NFIL3: variants seen among roughly 807,000 people sequenced by gnomAD.
NFIL3 encodes nuclear factor, interleukin 3 regulated.
A neutral mutation model predicts 10.0 loss-of-function variants in NFIL3; 5 were observed. The observed-to-expected ratio is 0.50, with a 90% CI of 0.26 to 1.06. The LOEUF (loss-of-function observed/expected upper bound fraction) is 1.06. Ranked by LOEUF, NFIL3 falls within the 50% of genes least tolerant of loss-of-function variation. The pLI is 0.13. For missense variants in NFIL3, 436 were observed against 547.6 expected (o/e 0.80, Z 2.03); for synonymous variants, 202 against 206.5 (o/e 0.98, Z 0.19).
rs1833498999 is a variant in NFIL3 at position 91,409,573 on chromosome 9, T to C, written c.1162A>G (p.Ile388Val). The change falls in exon 2 of 2, where the codon ATT (isoleucine) becomes GTT (valine). Residue 388 changes from isoleucine (I) to valine (V), a missense_variant. Around this residue, in one of 3 missense-constraint regions of NFIL3, gnomAD observed 338 missense variants for 399.9 expected, o/e 0.85. Coordinates refer to ENST00000297689, the MANE Select transcript of NFIL3 (RefSeq NM_005384.3). ...TCCGATTTGAGAGACCAATCTTGAA[T>C]GTTAGTCACTTGCACTGAGAAAGGA... ...LTPFSVQVTN[I>V]QDWSLKSEHW... The C allele has an allele frequency of 1.2e-6, 2 of 1,614,178 alleles. No individual in the cohort carries two copies. The highest frequency in any genetic ancestry group is 1.7e-6 in the Non-Finnish European group (2 of 1,180,008).
chr9:91,465,793 T>A, the NFIL3 span, among the ~76,000 whole-genome samples: 3 of 152,174 alleles, frequency 2.0e-5, no homozygotes, highest in African/African-American at 7.2e-5. Context: ...CTGTTTAATG[T>A]TTGCTGTGCT....
At chr9:91,440,549 G>C in the NFIL3 span, among the ~76,000 whole-genome samples, 5,665 of 151,608 alleles carry the variant, frequency 0.037, 217 homozygotes, top group East Asian at 0.23. Flanking sequence ...TGCTAACTTT[G>C]GGCTTAGTTT....
chr9:91,422,558 C>CCT (rs899241632), intron 1 of NFIL3, among the ~76,000 whole-genome samples: 1 of 152,152 alleles, frequency 6.6e-6, no homozygotes, highest in Admixed American at 6.5e-5. Flanking sequence ...TAATTAGCTC[C>CCT]CTCTCTCTAT....
At chr9:91,424,937 C>T (rs1371129157), upstream of NFIL3, among the ~76,000 whole-genome samples, 1 of 152,234 alleles carries the variant, frequency 6.6e-6, no homozygotes, top group African/African-American at 2.4e-5. Context: ...GAAAAAAGAG[C>T]ACCTAGCCGC....
chr9:91,416,523 A>G (rs1472846259), intron 1 of NFIL3, among the ~76,000 whole-genome samples: 1 of 152,220 alleles, frequency 6.6e-6, no homozygotes, highest in Admixed American at 6.5e-5. Context: ...TCATTGCTTA[A>G]GTTTCTTTTT....
intron 1 of NFIL3, among the ~76,000 whole-genome samples, chr9:91,413,643 T>C (rs1301063685): frequency 2.6e-5 from 4 of 152,348 alleles, no homozygotes; most frequent in East Asian, 1.9e-4. Flanking sequence ...CTTTCCTCTG[T>C]TGAAGTCTGC....
At chr9:91,449,637 A>G in the NFIL3 span, among the ~76,000 whole-genome samples, 10 of 151,882 alleles carry the variant, frequency 6.6e-5, no homozygotes, top group African/African-American at 2.4e-4. Flanking sequence ...TTGCATTTCT[A>G]TTCATAAGGG....
intron 1 of NFIL3, among the ~76,000 whole-genome samples, chr9:91,420,352 TACAC>T (rs144270881): frequency 0.066 from 9,542 of 144,342 alleles, 433 homozygotes; most frequent in African/African-American, 0.13. Flanking sequence ...TGAAGGTAAA[TACAC>T]ACACACACAC....
intron 1 of NFIL3, among the ~76,000 whole-genome samples, chr9:91,412,642 G>A (rs774363900): frequency 5.3e-5 from 8 of 151,940 alleles, no homozygotes; most frequent in Non-Finnish European, 8.8e-5. Context: ...TCAGGAGTTC[G>A]AGACCAGCCT....
the NFIL3 span, among the ~76,000 whole-genome samples, chr9:91,451,832 A>G: frequency 6.6e-6 from 1 of 152,312 alleles, no homozygotes; most frequent in South Asian, 2.1e-4. Context: ...TGCCATGAGT[A>G]AGGAAGTCCT....
the NFIL3 span, among the ~76,000 whole-genome samples, chr9:91,478,696 T>C: frequency 6.6e-6 from 1 of 152,048 alleles, no homozygotes; most frequent in East Asian, 1.9e-4. Context: ...TGGCGAGGAG[T>C]TGTGATCCTT....
chr9:91,422,083 C>A (rs753359778), intron 1 of NFIL3, among the ~76,000 whole-genome samples: 3 of 152,092 alleles, frequency 2.0e-5, no homozygotes, highest in Non-Finnish European at 4.4e-5. Flanking sequence ...TTTACAAAAG[C>A]CAAGAACAGA....
At chr9:91,473,082 G>A in the NFIL3 span, among the ~76,000 whole-genome samples, 2 of 152,166 alleles carry the variant, frequency 1.3e-5, no homozygotes, top group Non-Finnish European at 2.9e-5. Context: ...CATGGAAGCT[G>A]CATCTCAGAG....
chr9:91,472,795 A>G, the NFIL3 span, among the ~76,000 whole-genome samples: 1 of 152,190 alleles, frequency 6.6e-6, no homozygotes, highest in Non-Finnish European at 1.5e-5. Flanking sequence ...TCTGGTTTTT[A>G]GAATTTTCAG....
chr9:91,447,232 GATGGATAC>G, the NFIL3 span, among the ~76,000 whole-genome samples: 1 of 152,154 alleles, frequency 6.6e-6, no homozygotes. Flanking sequence ...TTCATCTGTT[GATGGATAC>G]ATGGGTAGTC....
chr9:91,414,271 T>C (rs1003847056), intron 1 of NFIL3, among the ~76,000 whole-genome samples: 2 of 152,226 alleles, frequency 1.3e-5, no homozygotes, highest in Non-Finnish European at 2.9e-5. Context: ...TGGTACGATC[T>C]TGGCTCACCG....
intron 1 of NFIL3, among the ~76,000 whole-genome samples, chr9:91,413,979 G>A (rs7021746): frequency 0.38 from 58,237 of 151,564 alleles, 13,882 homozygotes; most frequent in African/African-American, 0.68. Context: ...GAAATGCCCC[G>A]CCATTCTGTC....
chr9:91,414,770 C>T (rs1833619868), intron 1 of NFIL3, among the ~76,000 whole-genome samples: 3 of 152,172 alleles, frequency 2.0e-5, no homozygotes, highest in South Asian at 4.1e-4. Flanking sequence ...TGGGATGATA[C>T]GGAGACAGGC....
chr9:91,424,472 G>C (rs1587970445), upstream of NFIL3, among the ~76,000 whole-genome samples: 2 of 152,164 alleles, frequency 1.3e-5, no homozygotes, highest in East Asian at 3.9e-4. Context: ...CTCGGGGCGC[G>C]CTGCGGCGGG....
Sources: gnomAD v4.1 joint callset for allele counts (sites outside exome capture counted in the v4.1 genomes callset) on GRCh38, gnomAD v4.1.1 for gene constraint, gnomAD v4.1.1 regional missense constraint, MANE v1.5 for transcripts, NCBI Gene and HGNC (gene_info 2026-07-23, HGNC 2026-07-21) for gene names.